DLG2: variants seen among roughly 807,000 people sequenced by gnomAD.
DLG2 encodes the protein discs large MAGUK scaffold protein 2.
Under a neutral mutation model 132.5 loss-of-function variants are expected in DLG2, and 45 were observed. That is an observed-to-expected ratio of 0.34 (90% CI 0.27 to 0.44). The LOEUF (loss-of-function observed/expected upper bound fraction) is 0.44, where lower values mean the gene tolerates loss of function less well. Ranked by LOEUF, DLG2 falls within the 20% of genes least tolerant of loss-of-function variation. DLG2 has a pLI of 1.00. For synonymous variants in DLG2, 424 were observed against 419.6 expected (o/e 1.01, Z -0.13); for missense variants, 1,045 against 1,196.9 (o/e 0.87, Z 1.87).
intron 6 of DLG2, among the ~76,000 whole-genome samples, chr11:84,799,454 A>C (rs2075097446): frequency 6.6e-6 from 1 of 152,182 alleles, no homozygotes; most frequent in South Asian, 2.1e-4. Context: ...TGCCTCTTTC[A>C]GTAATATAAA....
chr11:85,412,485 T>G (rs184154974), intron 3 of DLG2, among the ~76,000 whole-genome samples: 64 of 151,846 alleles, frequency 4.2e-4, no homozygotes, highest in African/African-American at 1.5e-3. Context: ...CAGTATACAC[T>G]GCACCATATT....
At chr11:84,078,824 A>T (rs903532137) in intron 10 of DLG2, among the ~76,000 whole-genome samples, 4 of 152,182 alleles carry the variant, frequency 2.6e-5, no homozygotes, top group Admixed American at 2.0e-4. Context: ...GTTCCCAATG[A>T]CATTCCCAGT....
intron 12 of DLG2, among the ~76,000 whole-genome samples, chr11:83,969,885 T>C (rs2090990619): frequency 6.6e-6 from 1 of 152,042 alleles, no homozygotes; most frequent in African/African-American, 2.4e-5. Context: ...TAATGAATAT[T>C]TACATGTGAT....
intron 7 of DLG2, among the ~76,000 whole-genome samples, chr11:84,278,047 G>GTTTTTTT (rs55650627): frequency 1.7e-4 from 17 of 99,604 alleles, no homozygotes; most frequent in African/African-American, 3.4e-4. Flanking sequence ...GCCTGGCTAA[G>GTTTTTTT]TTTTTTTTTT....
chr11:84,315,194 G>A (rs1200118071), intron 7 of DLG2, among the ~76,000 whole-genome samples: 3 of 152,092 alleles, frequency 2.0e-5, no homozygotes, highest in African/African-American at 4.8e-5. Flanking sequence ...ATGGCTGTAA[G>A]TTTCAGACAA....
chr11:84,374,417 T>C (rs1451453250), intron 7 of DLG2, among the ~76,000 whole-genome samples: 1 of 152,238 alleles, frequency 6.6e-6, no homozygotes, highest in Admixed American at 6.5e-5. Context: ...CAGTCCAGGA[T>C]GGCTTTGAAT....
chr11:84,418,572 T>C (rs1301628982), intron 7 of DLG2, among the ~76,000 whole-genome samples: 5 of 152,194 alleles, frequency 3.3e-5, no homozygotes, highest in South Asian at 2.1e-4. Context: ...TTAACCATTA[T>C]TGCACTGTAT....
intron 6 of DLG2, among the ~76,000 whole-genome samples, chr11:84,992,264 A>G (rs2057200439): frequency 6.6e-6 from 1 of 152,180 alleles, no homozygotes; most frequent in African/African-American, 2.4e-5. Flanking sequence ...TATCTAGGTA[A>G]GTAATATGCA....
intron 7 of DLG2, among the ~76,000 whole-genome samples, chr11:84,386,355 T>A (rs1263710925): frequency 6.6e-6 from 1 of 152,220 alleles, no homozygotes; most frequent in East Asian, 1.9e-4. Flanking sequence ...GTTTGATATT[T>A]ATAATATTAT....
At chr11:83,663,568 A>G (rs1397206335) in intron 18 of DLG2, among the ~76,000 whole-genome samples, 1 of 152,244 alleles carries the variant, frequency 6.6e-6, no homozygotes, top group Non-Finnish European at 1.5e-5. Flanking sequence ...TGTGGCACAT[A>G]GTAGAAGCTT....
intron 6 of DLG2, among the ~76,000 whole-genome samples, chr11:84,792,544 T>C (rs530597297): frequency 9.1e-4 from 139 of 152,226 alleles, no homozygotes; most frequent in South Asian, 3.7e-3. Flanking sequence ...AGTGAAACCA[T>C]TGGGTACCAG....
chr11:85,151,156 G>T (rs966813486), intron 5 of DLG2, among the ~76,000 whole-genome samples: 1 of 152,086 alleles, frequency 6.6e-6, no homozygotes, highest in East Asian at 1.9e-4. Context: ...TTGGCCATTT[G>T]TATATTTTCT....
At chr11:85,120,682 T>TA (rs1398184567) in intron 5 of DLG2, among the ~76,000 whole-genome samples, 1 of 152,140 alleles carries the variant, frequency 6.6e-6, no homozygotes, top group South Asian at 2.1e-4. Context: ...AGAGGTAAGC[T>TA]AAAAAAATTA....
chr11:83,731,454 A>G (rs1430219224), intron 18 of DLG2, among the ~76,000 whole-genome samples: 1 of 152,204 alleles, frequency 6.6e-6, no homozygotes, highest in Non-Finnish European at 1.5e-5. Flanking sequence ...ATGTCCCTGC[A>G]AAGAACATGA....
chr11:85,456,630 T>G (rs946792952), intron 3 of DLG2, among the ~76,000 whole-genome samples: 1 of 152,204 alleles, frequency 6.6e-6, no homozygotes, highest in African/African-American at 2.4e-5. Flanking sequence ...CTCTTAACAC[T>G]GCCTTAGCTG....
In DLG2 at chr11:84,711,696, T is replaced by G. The variant is rs141263916; in HGVS notation, c.358-176965A>C. 2.8e-3 allele frequency among the ~76,000 whole-genome samples: 432 copies of G among 152,118 alleles called. 5 individuals carry two copies. The highest frequency in any genetic ancestry group is 0.01 in the African/African-American group (421 of 41,548). ...AGGAGGAGCTCCCTCTTACTCAGGC[T>G]TTTTGTTCTATTCAGGTCTTCAACT... On this transcript the variant is annotated intron_variant, in intron 6 of 27. Transcript: ENST00000376104.
intron 9 of DLG2, among the ~76,000 whole-genome samples, chr11:84,115,833 A>G (rs1423790889): frequency 1.3e-5 from 2 of 152,124 alleles, no homozygotes; most frequent in Non-Finnish European, 2.9e-5. Context: ...TTAACTGCAT[A>G]TATATTGTAT....
intron 3 of DLG2, among the ~76,000 whole-genome samples, chr11:85,290,424 A>G (rs1357364882): frequency 6.6e-6 from 1 of 152,074 alleles, no homozygotes; most frequent in African/African-American, 2.4e-5. Context: ...CTTCTGATCC[A>G]CTAGCAACAT....
intron 10 of DLG2, among the ~76,000 whole-genome samples, chr11:84,092,904 C>T (rs557342896): frequency 2.6e-5 from 4 of 151,830 alleles, no homozygotes; most frequent in East Asian, 3.9e-4. Context: ...GGTGTGGTGG[C>T]GGGCACCTGC....
Sources: allele counts gnomAD v4.1 joint callset (sites outside exome capture counted in the v4.1 genomes callset), GRCh38; gene constraint gnomAD v4.1.1; transcripts MANE v1.5; gene names NCBI Gene and HGNC (gene_info 2026-07-23, HGNC 2026-07-21).